The following ASIC2 variants were observed in gnomAD, a reference collection of about 807,000 sequenced individuals.
ASIC2 encodes acid sensing ion channel subunit 2.
In ASIC2, 25 loss-of-function variants were observed where a neutral mutation model predicts 57.3. The observed-to-expected ratio is 0.44, with a 90% CI of 0.32 to 0.61. The LOEUF is 0.61. Among genes scored for constraint, ASIC2 ranks in the 20% least tolerant of loss-of-function variants. The pLI, the probability that ASIC2 is intolerant of heterozygous loss-of-function variation, is 0.06. For missense variants in ASIC2, 641 were observed against 738.1 expected (o/e 0.87, Z 1.52); for synonymous variants, 319 against 307.5 (o/e 1.04, Z -0.39).
chr17:33,090,214 C>T (rs1350554595), intron 2 of ASIC2, among the ~76,000 whole-genome samples: 3 of 152,234 alleles, frequency 2.0e-5, no homozygotes, highest in Non-Finnish European at 4.4e-5. Flanking sequence ...CCACTTGTCA[C>T]TGAAGATTCA....
At chr17:33,071,117 G>GA (rs1180595255) in intron 3 of ASIC2, among the ~76,000 whole-genome samples, 1 of 151,928 alleles carries the variant, frequency 6.6e-6, no homozygotes, top group Admixed American at 6.6e-5. Flanking sequence ...GGGGTTCTTT[G>GA]AACTTTTTTA....
chr17:33,190,738 A>G (rs541512533), intron 1 of ASIC2, among the ~76,000 whole-genome samples: 1 of 152,308 alleles, frequency 6.6e-6, no homozygotes, highest in South Asian at 2.1e-4. Flanking sequence ...ATCAGAAGTC[A>G]TTAAGGAAAT....
chr17:33,916,535 A>G (rs1915589794), intron 1 of ASIC2, among the ~76,000 whole-genome samples: 1 of 152,224 alleles, frequency 6.6e-6, no homozygotes, highest in Non-Finnish European at 1.5e-5. Context: ...AAGCCAGCTC[A>G]CTGGGATTTA....
At chr17:33,474,335 C>A (rs551238894) in intron 1 of ASIC2, among the ~76,000 whole-genome samples, 39 of 152,282 alleles carry the variant, frequency 2.6e-4, no homozygotes, top group East Asian at 5.8e-4. Context: ...CCACTGCACT[C>A]CAGCCTGGGT....
intron 1 of ASIC2, among the ~76,000 whole-genome samples, chr17:34,128,908 A>C (rs183589936): frequency 6.6e-6 from 1 of 152,222 alleles, no homozygotes; most frequent in East Asian, 1.9e-4. Context: ...ATTCTGATTT[A>C]ATCCACCTGT....
At chr17:33,677,560 G>A (rs1034075029) in intron 1 of ASIC2, among the ~76,000 whole-genome samples, 8 of 152,280 alleles carry the variant, frequency 5.3e-5, no homozygotes, top group African/African-American at 1.9e-4. Context: ...GTGACTGATG[G>A]GAGAAGATCA....
At chr17:33,927,083 C>T (rs1915838915) in intron 1 of ASIC2, among the ~76,000 whole-genome samples, 1 of 152,172 alleles carries the variant, frequency 6.6e-6, no homozygotes, top group South Asian at 2.1e-4. Flanking sequence ...CATGTGCCAA[C>T]ATGCCTGGCT....
intron 1 of ASIC2, among the ~76,000 whole-genome samples, chr17:33,138,768 A>C (rs1323111902): frequency 3.4e-5 from 5 of 146,658 alleles, no homozygotes; most frequent in Non-Finnish European, 3.0e-5. Flanking sequence ...CAATGTGAGG[A>C]GCACAAATGC....
chr17:33,399,461 C>G (rs1910202105), intron 1 of ASIC2, among the ~76,000 whole-genome samples: 1 of 152,144 alleles, frequency 6.6e-6, no homozygotes, highest in Non-Finnish European at 1.5e-5. Flanking sequence ...CTCTTCTACA[C>G]TCTCTCCTGA....
At chr17:33,145,216 C>T (rs1904508831) in intron 1 of ASIC2, among the ~76,000 whole-genome samples, 1 of 152,262 alleles carries the variant, frequency 6.6e-6, no homozygotes, top group African/African-American at 2.4e-5. Context: ...CTGGGGAAGG[C>T]AGCCTCTACC....
intron 1 of ASIC2, among the ~76,000 whole-genome samples, chr17:33,522,389 TCCTGCTGTGGGCTGAGGCCCA>T (rs1567638542): frequency 6.6e-6 from 1 of 152,234 alleles, no homozygotes; most frequent in Non-Finnish European, 1.5e-5. Context: ...GCCCACCGGC[TCCTGCTGTGGGCTGAGGCCCA>T]CCTGTGGGGG....
chr17:33,752,785 A>C (rs564511540), intron 1 of ASIC2, among the ~76,000 whole-genome samples: 2 of 152,310 alleles, frequency 1.3e-5, no homozygotes, highest in South Asian at 2.1e-4. Flanking sequence ...TAAAATCCAA[A>C]ACACTGACAT....
At chr17:33,170,635 C>T (rs1905477610) in intron 1 of ASIC2, among the ~76,000 whole-genome samples, 1 of 152,136 alleles carries the variant, frequency 6.6e-6, no homozygotes, top group Admixed American at 6.5e-5. Context: ...AAGCCCTGTG[C>T]TTCCCAGACT....
intron 1 of ASIC2, among the ~76,000 whole-genome samples, chr17:33,239,007 A>C (rs182389977): frequency 6.2e-4 from 94 of 151,704 alleles, no homozygotes; most frequent in Middle Eastern, 3.4e-3. Context: ...CTGTCTCAAA[A>C]AAACAAACAA....
Position 33,292,266 on chromosome 17 carries a change from G to GGCATGCCCGCCCGGCGCCGCC in ASIC2, c.-172_-152dup, listed in dbSNP as rs1905515471. 1.0e-6 allele frequency: 1 copy of GGCATGCCCGCCCGGCGCCGCC among 992,040 alleles called. No homozygotes were observed. Among genetic ancestry groups the GGCATGCCCGCCCGGCGCCGCC allele is most frequent in the Non-Finnish European group, 1.2e-6 (1 of 835,832 alleles). 61.5% of individuals were successfully genotyped at this position (992,040 alleles called of 1,614,324 possible). On this transcript the variant is annotated 5_prime_UTR_variant, in exon 1 of 10. It adds an upstream start codon to the 5' untranslated region. Coordinates refer to ENST00000225823, the MANE Select transcript of ASIC2 (RefSeq NM_183377.2). ...CGCCCGAAAGGAGCTCCGGTGGCGC[G>GGCATGCCCGCCCGGCGCCGCC]GCATGCCCGCCCGGCGCCGCCGCTG...
At chr17:33,588,242 G>A (rs1904704474) in intron 1 of ASIC2, among the ~76,000 whole-genome samples, 1 of 152,216 alleles carries the variant, frequency 6.6e-6, no homozygotes, top group Non-Finnish European at 1.5e-5. Flanking sequence ...GACCTTGAGA[G>A]GAGCAGGGAG....
At chr17:33,648,878 A>G (rs1453756468) in intron 1 of ASIC2, among the ~76,000 whole-genome samples, 1 of 152,250 alleles carries the variant, frequency 6.6e-6, no homozygotes, top group African/African-American at 2.4e-5. Context: ...CCCATTTATG[A>G]TGTTAAAACT....
At chr17:33,195,027 G>A (rs1906569177) in intron 1 of ASIC2, among the ~76,000 whole-genome samples, 1 of 152,206 alleles carries the variant, frequency 6.6e-6, no homozygotes, top group African/African-American at 2.4e-5. Flanking sequence ...ACTGAGAGAG[G>A]TAGGAGGTAG....
At chr17:33,110,904 G>A (rs80013966) in intron 2 of ASIC2, among the ~76,000 whole-genome samples, 9,716 of 152,138 alleles carry the variant, frequency 0.064, 327 homozygotes, top group Admixed American at 0.073. Flanking sequence ...TGCTCCCCAC[G>A]CTCCTCTCTT....
Sources: gnomAD v4.1 joint callset for allele counts (sites outside exome capture counted in the v4.1 genomes callset) on GRCh38, gnomAD v4.1.1 for gene constraint, MANE v1.5 for transcripts, NCBI Gene and HGNC (gene_info 2026-07-23, HGNC 2026-07-21) for gene names.